ANKMY2: variants seen among roughly 807,000 people sequenced by gnomAD.
ANKMY2 encodes the protein ankyrin repeat and MYND domain containing 2.
ANKMY2 carries 36 observed loss-of-function variants against 50.4 expected under a neutral mutation model. That is an observed-to-expected ratio of 0.71 (90% CI 0.55 to 0.94). The LOEUF is 0.94. ANKMY2 is among the 40% of genes least tolerant of loss of function. ANKMY2 has a pLI of 0.00. For missense variants in ANKMY2, 565 were observed against 524.0 expected, an observed-to-expected ratio of 1.08 and a Z score of -0.76; for synonymous variants, 187 against 178.8, an observed-to-expected ratio of 1.05 and a Z score of -0.36.
chr7:16,632,819 A>G (rs1304049450), intron 2 of ANKMY2, among the ~76,000 whole-genome samples: 1 of 152,218 alleles, frequency 6.6e-6, no homozygotes, highest in Non-Finnish European at 1.5e-5. Context: ...TCATGTGAGG[A>G]ACTGCGAGAC....
chr7:16,620,856 T>C (rs141478350), intron 4 of ANKMY2, among the ~76,000 whole-genome samples: 34 of 152,000 alleles, frequency 2.2e-4, no homozygotes, highest in African/African-American at 7.7e-4. Context: ...AAACAGATCA[T>C]TGACAAAAAA....
At chr7:16,602,587 T>G in intron 8 of ANKMY2, 78 bp from the exon 9 acceptor site, 1 of 1,496,392 alleles carries the variant, frequency 6.7e-7, no homozygotes, top group Non-Finnish European at 9.0e-7. Flanking sequence ...AACCAAGAAC[T>G]AAGCTATAAA....
intron 9 of ANKMY2, among the ~76,000 whole-genome samples, chr7:16,601,669 T>G (rs561440632): frequency 6.6e-6 from 1 of 152,342 alleles, no homozygotes; most frequent in East Asian, 1.9e-4. Context: ...GAGGCAGAAA[T>G]GCCTGGTATC....
At chr7:16,603,868 C>T (rs1781112990) in intron 8 of ANKMY2, among the ~76,000 whole-genome samples, 1 of 152,124 alleles carries the variant, frequency 6.6e-6, no homozygotes, top group Non-Finnish European at 1.5e-5. Context: ...CACAACTGCC[C>T]CAGCTGAGAA....
At position 16,645,670 on chromosome 7, in the gene ANKMY2, T is replaced by A; in HGVS notation, c.-97A>T. 7.3e-7 allele frequency: 1 copy of A among 1,364,006 alleles called. No individual in the cohort carries two copies. Among genetic ancestry groups the A allele is most frequent in the South Asian group, 1.3e-5 (1 of 74,656 alleles). 84.5% of individuals were successfully genotyped at this position (1,364,006 alleles called of 1,614,324 possible). A position where few individuals can be genotyped will look rare whatever the true frequency, so the allele number is the denominator to read the frequency against. On this transcript the variant is annotated 5_prime_UTR_variant, in exon 1 of 10. Coordinates refer to ENST00000306999, the MANE Select transcript of ANKMY2 (RefSeq NM_020319.3). ...GAACGCCAGCCGCAATGAGGCAACT[T>A]GAGACCAAGACACTGAGTAGCCAAC... is the stretch of plus-strand genomic sequence containing the variant.
chr7:16,615,225 G>GT (rs1781323254), intron 5 of ANKMY2, among the ~76,000 whole-genome samples: 1 of 152,160 alleles, frequency 6.6e-6, no homozygotes, highest in Non-Finnish European at 1.5e-5. Flanking sequence ...GACAATTATT[G>GT]TAATAGATGC....
intron 2 of ANKMY2, among the ~76,000 whole-genome samples, chr7:16,633,025 T>C (rs190232639): frequency 3.1e-3 from 477 of 152,338 alleles, no homozygotes; most frequent in Non-Finnish European, 5.0e-3. Context: ...TTTTTCATTA[T>C]GTATTGATCA....
intron 1 of ANKMY2, among the ~76,000 whole-genome samples, chr7:16,638,184 C>T (rs948522360): frequency 3.9e-5 from 6 of 152,318 alleles, no homozygotes; most frequent in Admixed American, 2.0e-4. Flanking sequence ...AATGGGGTAT[C>T]CTATAATTTA....
At position 16,627,096 on chromosome 7, in the gene ANKMY2, A is replaced by G. The variant is rs138973925; in HGVS notation, c.215T>C (p.Val72Ala). 3.3e-5 allele frequency: 54 copies of G among 1,612,932 alleles called. No individual in the cohort carries two copies. The African/African-American group carries it at 5.7e-4, about 17-fold the overall frequency. ...CKLLLRHGAD[V>A]NCHQHEHGYT... ...TCCATGTTCATGCTGATGACAATTT[A>G]CATCGGCTCCATGTCGCAGTAGTAA... is the stretch of plus-strand genomic sequence containing the variant. Residue 72 changes from valine to alanine, a missense_variant, in exon 3 of 10, where the codon GTA becomes GCA. By Grantham distance (64) the Val-to-Ala change is moderately conservative (BLOSUM62 0). Coordinates refer to ENST00000306999, the MANE Select transcript of ANKMY2 (RefSeq NM_020319.3).
At chr7:16,622,996 A>G (rs1042008249) in intron 4 of ANKMY2, among the ~76,000 whole-genome samples, 1 of 152,206 alleles carries the variant, frequency 6.6e-6, no homozygotes, top group African/African-American at 2.4e-5. Flanking sequence ...TGGAACATCT[A>G]TATCATGGAG....
intron 9 of ANKMY2, 146 bp downstream of exon 9, chr7:16,602,234 C>T: frequency 1.0e-6 from 1 of 959,078 alleles, no homozygotes; most frequent in Non-Finnish European, 1.5e-6. Context: ...AAAAACGGGA[C>T]ACATTAAAAT....
rs1349374933 is a variant in ANKMY2 at position 16,622,055 on chromosome 7, G to A, written c.370+2928C>T. On this transcript the variant is annotated intron_variant, in intron 4 of 9. Transcript: ENST00000306999. ...AAAAAGAAGAAGAAGAAAGAAGGAA[G>A]AAGAAGAAGAGGAAGAGGAGGAGGA... 4.0e-5 allele frequency among the ~76,000 whole-genome samples: 6 copies of A among 151,498 alleles called. No homozygotes were observed. The East Asian group carries it at 1.2e-3, about 29-fold the overall frequency.
intron 1 of ANKMY2, among the ~76,000 whole-genome samples, chr7:16,639,580 C>G (rs143619056): frequency 6.4e-4 from 97 of 152,104 alleles, no homozygotes; most frequent in African/African-American, 2.3e-3. Flanking sequence ...TAATATTTTC[C>G]CAGCATGGAC....
At chr7:16,645,441 C>CT in intron 1 of ANKMY2, 66 bp downstream of exon 1, 1 of 1,495,432 alleles carries the variant, frequency 6.7e-7, no homozygotes, top group Non-Finnish European at 9.0e-7. Context: ...CCAGGAGCGC[C>CT]CCCCGGGCTC....
At chr7:16,635,539 C>T (rs939685863) in intron 2 of ANKMY2, among the ~76,000 whole-genome samples, 7 of 151,968 alleles carry the variant, frequency 4.6e-5, no homozygotes, top group African/African-American at 7.2e-5. Flanking sequence ...TGCTAATAAC[C>T]GAAAGAAATG....
chr7:16,643,142 C>T (rs936375960), intron 1 of ANKMY2, among the ~76,000 whole-genome samples: 2 of 152,166 alleles, frequency 1.3e-5, no homozygotes, highest in African/African-American at 4.8e-5. Context: ...ATTATTATTC[C>T]TATTTTTCAC....
chr7:16,633,751 A>G (rs1781619331), intron 2 of ANKMY2, among the ~76,000 whole-genome samples: 1 of 152,152 alleles, frequency 6.6e-6, no homozygotes, highest in South Asian at 2.1e-4. Flanking sequence ...TATACAGTCC[A>G]TGTACTGTTA....
At position 16,636,372 on chromosome 7, in the gene ANKMY2, T is replaced by C; in HGVS notation, c.132+19A>G. The C allele has an allele frequency of 6.7e-7, 1 of 1,492,874 alleles. No homozygotes were observed. The highest frequency in any genetic ancestry group is 2.4e-5 in the East Asian group (1 of 42,378). 92.5% of individuals were successfully genotyped at this position (1,492,874 alleles called of 1,614,324 possible). On this transcript the variant is annotated intron_variant, in intron 2 of 9. Transcript: ENST00000306999. ...TCTTATAGGAAGTAAAATCCTTTAT[T>C]AAACTTCTAAAATCTTACCTCGTCC...
intron 6 of ANKMY2, among the ~76,000 whole-genome samples, chr7:16,610,219 G>A (rs557363350): frequency 6.6e-6 from 1 of 152,256 alleles, no homozygotes; most frequent in East Asian, 1.9e-4. Context: ...ACCTAGGGCT[G>A]CGACCTAGGG....
Sources: gnomAD v4.1 joint callset for allele counts (sites outside exome capture counted in the v4.1 genomes callset) on GRCh38, gnomAD v4.1.1 for gene constraint, MANE v1.5 for transcripts, NCBI Gene and HGNC (gene_info 2026-07-23, HGNC 2026-07-21) for gene names.